The following TPO variants were observed in gnomAD, a reference collection of about 807,000 sequenced individuals.
The protein encoded by TPO is thyroid peroxidase.
Under a neutral mutation model 96.9 loss-of-function variants are expected in TPO, and 78 were observed. The observed-to-expected ratio is 0.81, with a 90% CI of 0.67 to 0.97. The LOEUF (loss-of-function observed/expected upper bound fraction) is 0.97, where lower values mean the gene tolerates loss of function less well. Among genes scored for constraint, TPO ranks in the 50% least tolerant of loss-of-function variants. The pLI is 0.00. For synonymous variants in TPO, 547 were observed against 538.0 expected, an observed-to-expected ratio of 1.02 and a Z score of -0.23; for missense variants, 1,252 against 1,274.8, an observed-to-expected ratio of 0.98 and a Z score of 0.27.
chr2:1,429,705 C>T (rs906804014), intron 3 of TPO, among the ~76,000 whole-genome samples: 2 of 152,178 alleles, frequency 1.3e-5, no homozygotes, highest in African/African-American at 4.8e-5. Context: ...TGCTATGCCT[C>T]AGCAAAGAGC....
intron 5 of TPO, among the ~76,000 whole-genome samples, chr2:1,446,472 T>C (rs1666836663): frequency 6.6e-6 from 1 of 152,178 alleles, no homozygotes; most frequent in Non-Finnish European, 1.5e-5. Context: ...CCCGTCACTG[T>C]GATCCCTTTC....
chr2:1,460,386 C>T (rs773852002), intron 7 of TPO, among the ~76,000 whole-genome samples: 1 of 152,162 alleles, frequency 6.6e-6, no homozygotes, highest in Non-Finnish European at 1.5e-5. Flanking sequence ...CCAGCAGAAT[C>T]TGTGCAAAAA....
At chr2:1,443,124 A>G (rs1386205747) in intron 5 of TPO, among the ~76,000 whole-genome samples, 1 of 152,210 alleles carries the variant, frequency 6.6e-6, no homozygotes, top group Non-Finnish European at 1.5e-5. Flanking sequence ...CTGATGAACT[A>G]CTGCAGTAAA....
At position 1,504,010 on chromosome 2, in the gene TPO, A is replaced by G. The variant is rs756817926; in HGVS notation, c.2449A>G (p.Thr817Ala). 6.8e-6 allele frequency: 11 copies of G among 1,614,114 alleles called. No individual in the cohort carries two copies. In the South Asian group the frequency reaches 1.2e-4, roughly 18 times the overall value. The change falls in exon 14 of 17, where the codon ACC (threonine) becomes GCC (alanine). Residue 817 changes from threonine to alanine, a missense_variant. Physicochemically the swap from Thr to Ala is moderately conservative, Grantham distance 58. Transcript: ENST00000329066. ...CCACGCCTCTGCGAGGTGCAGAAAC[A>G]CCAAAGGCGGCTTCCAGTGTCTCTG... is the stretch of plus-strand genomic sequence containing the variant. ...PCHASARCRNTKGGFQCLCAD... is the reference protein window; with the variant it reads ...PCHASARCRNAKGGFQCLCAD...
intron 1 of TPO, among the ~76,000 whole-genome samples, chr2:1,394,584 T>C (rs116789161): frequency 0.012 from 1,801 of 152,280 alleles, 38 homozygotes; most frequent in African/African-American, 0.041. Context: ...GGAGAAAGTG[T>C]GTCTCCCAGG....
chr2:1,480,831 G>GCATCCGTCCACACCACCTCCCTCCTC (rs1670557784), intron 8 of TPO, among the ~76,000 whole-genome samples: 6 of 70,198 alleles, frequency 8.5e-5, no homozygotes, highest in Admixed American at 1.7e-4. Context: ...CGTCCCTGCT[G>GCATCCGTCCACACCACCTCCCTCCTC]CTGCGTCTGT....
At chr2:1,408,143 C>T (rs1662274145) in intron 1 of TPO, among the ~76,000 whole-genome samples, 1 of 152,210 alleles carries the variant, frequency 6.6e-6, no homozygotes, top group Non-Finnish European at 1.5e-5. Flanking sequence ...GCCACTCGAG[C>T]ACACAGATAT....
intron 2 of TPO, among the ~76,000 whole-genome samples, chr2:1,415,894 C>T (rs982554982): frequency 1.3e-5 from 2 of 152,130 alleles, no homozygotes; most frequent in Non-Finnish European, 2.9e-5. Context: ...TTAGGAGTGG[C>T]AGTGAAGTCC....
chr2:1,496,158 G>A lies in TPO; in HGVS notation c.2176G>A (p.Gly726Ser). The A allele has an allele frequency of 1.9e-6, 3 of 1,614,132 alleles. No homozygotes were observed. The highest frequency in any genetic ancestry group is 1.7e-6 in the Non-Finnish European group (2 of 1,180,000). ...CTTTGAGTCTTGTGACAGCATCACT[G>A]GCATGAACCTGGAGGCCTGGAGGGA... is the stretch of plus-strand genomic sequence containing the variant. ...EDFESCDSITGMNLEAWRETF... is the reference protein window; with the variant it reads ...EDFESCDSITSMNLEAWRETF... Residue 726 changes from glycine (G) to serine (S), a missense_variant, in exon 12 of 17, where the codon GGC becomes AGC. By Grantham distance (56) the Gly-to-Ser change is moderately conservative (BLOSUM62 0). Transcript: ENST00000329066.
chr2:1,529,009 T>A (rs1349162254), intron 15 of TPO, among the ~76,000 whole-genome samples: 1 of 73,806 alleles, frequency 1.4e-5, no homozygotes, highest in Non-Finnish European at 2.5e-5. Context: ...CCACTGTGAG[T>A]AACCTCCTCA....
intron 3 of TPO, among the ~76,000 whole-genome samples, chr2:1,432,467 AGTAAGGGGAGGCCTGCAG>A (rs1665078255): frequency 6.6e-6 from 1 of 151,828 alleles, no homozygotes; most frequent in Non-Finnish European, 1.5e-5. Context: ...GGAGACCAGG[AGTAAGGGGAGGCCTGCAG>A]GTGAGGGGAG....
intron 5 of TPO, among the ~76,000 whole-genome samples, chr2:1,440,834 T>G (rs1463889438): frequency 6.6e-6 from 1 of 150,804 alleles, no homozygotes; most frequent in Non-Finnish European, 1.5e-5. Flanking sequence ...CAGGAGGTAC[T>G]ACGTTGGAAG....
At chr2:1,482,045 G>C (rs955442932) in intron 8 of TPO, among the ~76,000 whole-genome samples, 2 of 152,218 alleles carry the variant, frequency 1.3e-5, no homozygotes, top group African/African-American at 4.8e-5. Context: ...GCATATGGGA[G>C]CCTCTTATTG....
chr2:1,379,775 T>C (rs114995092), intron 1 of TPO, among the ~76,000 whole-genome samples: 1,551 of 152,314 alleles, frequency 0.01, 32 homozygotes, highest in African/African-American at 0.035. Flanking sequence ...CAGTATTTTT[T>C]CATTTAGTAA....
chr2:1,422,343 CCG>C (rs1663724075), intron 2 of TPO, among the ~76,000 whole-genome samples: 5 of 127,530 alleles, frequency 3.9e-5, no homozygotes, highest in African/African-American at 5.3e-5. Context: ...CTCTCCTGGA[CCG>C]ACCTCGTGCA....
chr2:1,529,917 A>ACCC (rs1558420705), intron 15 of TPO, among the ~76,000 whole-genome samples: 6 of 81,688 alleles, frequency 7.3e-5, no homozygotes, highest in African/African-American at 3.6e-4. Context: ...AAACTCCCCA[A>ACCC]ACCCCCCCCT....
rs1342753592 is a variant in TPO, at chr2:1,534,405, C to T, written c.2619-6189C>T. Among the ~76,000 whole-genome samples the T allele has an allele frequency of 2.1e-4, 29 of 135,724 alleles. 4 individuals carry two copies. Among genetic ancestry groups the T allele is most frequent in the Non-Finnish European group, 2.7e-4 (17 of 62,982 alleles). 89.0% of individuals were successfully genotyped at this position (135,724 alleles called of 152,430 possible). ...TCCCTCCAACTGTGTGCAACCTCCC[C>T]AAATCCGCCCCCACCCTGTGCAGCC... On this transcript the variant is annotated intron_variant, in intron 15 of 16. Transcript: ENST00000329066.
rs181139750 is a variant in TPO at position 1,442,570 on chromosome 2, A to C, written c.482+6186A>C. Among the ~76,000 whole-genome samples the C allele has an allele frequency of 2.6e-5, 4 of 152,356 alleles. No individual in the cohort carries two copies. The East Asian group carries it at 7.7e-4, about 29-fold the overall frequency. ...AGAATTTGCCTTCAGTTTTAGATTGATACATGTGATAAGAACTTCTCTGTG... is the reference window on the plus strand; with the variant it reads ...AGAATTTGCCTTCAGTTTTAGATTGCTACATGTGATAAGAACTTCTCTGTG... On this transcript the variant is annotated intron_variant, in intron 5 of 16. Coordinates refer to ENST00000329066, the MANE Select transcript of TPO (RefSeq NM_001206744.2).
intron 15 of TPO, among the ~76,000 whole-genome samples, chr2:1,533,923 A>C (rs1573626812): frequency 1.5e-5 from 1 of 66,838 alleles, no homozygotes; most frequent in Non-Finnish European, 2.9e-5. Flanking sequence ...TGCAACCTCC[A>C]TAAATCCAAC....
Sources: gnomAD v4.1 joint callset for allele counts (sites outside exome capture counted in the v4.1 genomes callset) on GRCh38, gnomAD v4.1.1 for gene constraint, MANE v1.5 for transcripts, NCBI Gene and HGNC (gene_info 2026-07-23, HGNC 2026-07-21) for gene names.